Variants in AFF3 observed in about 807,000 individuals in gnomAD.
AFF3 encodes AF4/FMR2 family member 3.
A neutral mutation model predicts 129.7 loss-of-function variants in AFF3; 32 were observed. The ratio of observed to expected loss-of-function variants is 0.25; its 90% CI spans 0.19 to 0.33. The LOEUF is 0.33. AFF3 is among the 10% of genes least tolerant of loss of function. The probability of loss-of-function intolerance (pLI) is 1.00; values close to 1 mark genes in which losing one functional copy is unlikely to be tolerated. For missense variants in AFF3, 1,373 were observed against 1,592.0 expected, an observed-to-expected ratio of 0.86 and a Z score of 2.34; for synonymous variants, 644 against 635.4, an observed-to-expected ratio of 1.01 and a Z score of -0.20.
chr2:100,040,473 C>T (rs1010498914), intron 4 of AFF3, among the ~76,000 whole-genome samples: 5 of 152,178 alleles, frequency 3.3e-5, no homozygotes, highest in African/African-American at 7.2e-5. Flanking sequence ...AGTTAAGAGG[C>T]AGAGGGAAAA....
At chr2:100,142,235 C>T (rs1306561731) in intron 1 of AFF3, among the ~76,000 whole-genome samples, 2 of 152,166 alleles carry the variant, frequency 1.3e-5, no homozygotes, top group Non-Finnish European at 2.9e-5. Flanking sequence ...CACATGCACA[C>T]GCACACACAC....
At chr2:100,060,454 C>T (rs563337898) in intron 4 of AFF3, among the ~76,000 whole-genome samples, 1 of 152,300 alleles carries the variant, frequency 6.6e-6, no homozygotes, top group East Asian at 1.9e-4. Context: ...GCCTGCTTAA[C>T]CGGGCTACCT....
chr2:99,921,084 C>A (rs1014094837), intron 7 of AFF3, among the ~76,000 whole-genome samples: 3 of 152,194 alleles, frequency 2.0e-5, no homozygotes, highest in African/African-American at 4.8e-5. Flanking sequence ...TCAATACCAT[C>A]CAAGTCAAAA....
intron 7 of AFF3, among the ~76,000 whole-genome samples, chr2:99,997,203 C>T (rs1327452553): frequency 2.0e-5 from 3 of 152,184 alleles, no homozygotes; most frequent in Non-Finnish European, 4.4e-5. Context: ...TTGTGGGTCA[C>T]CTCCACTTGG....
rs1431573262 is a variant in AFF3, at chr2:99,594,182, G to C, written c.1479C>G (p.Ser493Arg). 6.2e-7 allele frequency: 1 copy of C among 1,614,138 alleles called. No homozygotes were observed. The highest frequency in any genetic ancestry group is 8.5e-7 in the Non-Finnish European group (1 of 1,180,032). Residue 493 changes from serine (S) to arginine (R), a missense_variant, in exon 15 of 25, where the codon AGC (serine) becomes AGG (arginine). By Grantham distance (110) the Ser-to-Arg change is moderately radical. Around this residue, in one of 9 missense-constraint regions of AFF3, gnomAD observed 413 missense variants for 424.4 expected, o/e 0.97. Transcript: ENST00000672756. ...LIQNESHGSE[S>R]NQYYNPVKED... ...CTTTCACCGGGTTGTAGTACTGATT[G>C]CTCTCTGACCCGTGGCTTTCATTTT...
At chr2:99,866,698 C>T (rs1046498326) in intron 7 of AFF3, among the ~76,000 whole-genome samples, 7 of 151,954 alleles carry the variant, frequency 4.6e-5, no homozygotes, top group Admixed American at 4.6e-4. Flanking sequence ...CACTGGCGGT[C>T]GGGCGTGGTG....
chr2:100,041,960 C>T (rs1221381818), intron 4 of AFF3, among the ~76,000 whole-genome samples: 1 of 152,116 alleles, frequency 6.6e-6, no homozygotes, highest in Non-Finnish European at 1.5e-5. Context: ...GCTTTAAACC[C>T]TACATGGCTT....
intron 7 of AFF3, among the ~76,000 whole-genome samples, chr2:99,967,898 G>A (rs760950859): frequency 1.3e-5 from 2 of 152,154 alleles, no homozygotes; most frequent in South Asian, 2.1e-4. Flanking sequence ...CCTGACTGCC[G>A]TCTTTTATAA....
chr2:100,121,918 C>T (rs953725243), intron 2 of AFF3, among the ~76,000 whole-genome samples: 27 of 151,914 alleles, frequency 1.8e-4, no homozygotes, highest in African/African-American at 5.8e-4. Flanking sequence ...AAAAATTAGC[C>T]GGGCGCGGTG....
chr2:100,131,468 A>T (rs891922249), intron 1 of AFF3, among the ~76,000 whole-genome samples: 7 of 151,702 alleles, frequency 4.6e-5, no homozygotes, highest in African/African-American at 1.5e-4. Flanking sequence ...TTTTATTTTT[A>T]TTTTTTTTAG....
intron 12 of AFF3, among the ~76,000 whole-genome samples, chr2:99,658,491 C>G (rs1032715924): frequency 2.6e-5 from 4 of 152,042 alleles, no homozygotes; most frequent in African/African-American, 9.7e-5. Flanking sequence ...ATTACAGGTG[C>G]CTGTTACCAC....
intron 7 of AFF3, among the ~76,000 whole-genome samples, chr2:99,938,432 C>CGAT (rs111878756): frequency 0.12 from 18,761 of 151,366 alleles, 1,325 homozygotes; most frequent in African/African-American, 0.14. Flanking sequence ...GACACACAGT[C>CGAT]GATGATGATG....
intron 22 of AFF3, among the ~76,000 whole-genome samples, 195 bp downstream of exon 22, chr2:99,558,680 G>A (rs1675182212): frequency 6.6e-6 from 1 of 152,080 alleles, no homozygotes; most frequent in African/African-American, 2.4e-5. Flanking sequence ...AGAAGGCAGG[G>A]AGATACATTA....
chr2:99,716,423 G>A (rs1678389235), intron 11 of AFF3, among the ~76,000 whole-genome samples: 1 of 152,096 alleles, frequency 6.6e-6, no homozygotes, highest in Non-Finnish European at 1.5e-5. Context: ...TAAACACAGG[G>A]ACATTAGTTC....
At chr2:99,894,614 G>A (rs935575332) in intron 7 of AFF3, among the ~76,000 whole-genome samples, 1 of 151,442 alleles carries the variant, frequency 6.6e-6, no homozygotes, top group Non-Finnish European at 1.5e-5. Context: ...GACTACAGGC[G>A]CCCGCCACCA....
intron 10 of AFF3, among the ~76,000 whole-genome samples, chr2:99,730,096 C>T (rs970190343): frequency 1.3e-5 from 2 of 152,134 alleles, no homozygotes. Context: ...GCTGGGCCTT[C>T]CACATTGCCT....
intron 4 of AFF3, among the ~76,000 whole-genome samples, chr2:100,023,968 C>G (rs936676266): frequency 6.6e-6 from 1 of 152,106 alleles, no homozygotes; most frequent in Non-Finnish European, 1.5e-5. Context: ...CACGGTGGCT[C>G]ATGCCTGTAA....
At chr2:99,959,942 T>C (rs918982873) in intron 7 of AFF3, among the ~76,000 whole-genome samples, 2 of 152,010 alleles carry the variant, frequency 1.3e-5, no homozygotes, top group East Asian at 3.9e-4. Flanking sequence ...ATTTTAACAG[T>C]AACCTAAAGA....
At chr2:99,870,428 C>T (rs1036253080) in intron 7 of AFF3, among the ~76,000 whole-genome samples, 7 of 152,198 alleles carry the variant, frequency 4.6e-5, no homozygotes, top group Admixed American at 6.5e-5. Context: ...TCATGTCTGC[C>T]CTCTTCCATC....
Sources: allele counts gnomAD v4.1 joint callset (sites outside exome capture counted in the v4.1 genomes callset), GRCh38; gene constraint gnomAD v4.1.1; regional missense constraint gnomAD v4.1.1; transcripts MANE v1.5; gene names NCBI Gene and HGNC (gene_info 2026-07-23, HGNC 2026-07-21).